CSMD3: variants seen among roughly 807,000 people sequenced by gnomAD.
The protein encoded by CSMD3 is CUB and sushi domain-containing protein 3.
In CSMD3, 177 loss-of-function variants were observed where a neutral mutation model predicts 435.2. That is an observed-to-expected ratio of 0.41 (90% confidence interval 0.36 to 0.46). The LOEUF is 0.46. Ranked by LOEUF, CSMD3 falls within the 20% of genes least tolerant of loss-of-function variation. CSMD3 has a pLI of 0.34. For missense variants in CSMD3, 4,265 were observed against 4,504.6 expected, an observed-to-expected ratio of 0.95 and a Z score of 1.52; for synonymous variants, 1,656 against 1,520.5, an observed-to-expected ratio of 1.09 and a Z score of -2.07.
At chr8:113,368,016 G>A (rs2094323971) in intron 1 of CSMD3, among the ~76,000 whole-genome samples, 1 of 152,154 alleles carries the variant, frequency 6.6e-6, no homozygotes, top group African/African-American at 2.4e-5. Flanking sequence ...ATTTGCTACT[G>A]ACTGCATCAT....
chr8:113,356,330 G>A (rs2094227670), intron 1 of CSMD3, among the ~76,000 whole-genome samples: 1 of 152,060 alleles, frequency 6.6e-6, no homozygotes, highest in African/African-American at 2.4e-5. Flanking sequence ...CCCAGACAAA[G>A]GAACTGAAAT....
At chr8:112,378,769 T>C (rs1222558075) in intron 38 of CSMD3, among the ~76,000 whole-genome samples, 2 of 152,162 alleles carry the variant, frequency 1.3e-5, no homozygotes, top group South Asian at 2.1e-4. Context: ...TGGTAATTTA[T>C]TGTATACTTT....
At chr8:112,918,953 CTT>C in intron 10 of CSMD3, among the ~76,000 whole-genome samples, 1 of 152,052 alleles carries the variant, frequency 6.6e-6, no homozygotes, top group South Asian at 2.1e-4. Flanking sequence ...GAGAACTACT[CTT>C]TGTCCAGACT....
intron 5 of CSMD3, among the ~76,000 whole-genome samples, chr8:113,027,219 T>C (rs556040510): frequency 6.6e-6 from 1 of 152,284 alleles, no homozygotes; most frequent in South Asian, 2.1e-4. Context: ...TGCTTTGCCA[T>C]AATATCAGTA....
intron 13 of CSMD3, among the ~76,000 whole-genome samples, chr8:112,749,313 T>C (rs1457607002): frequency 1.3e-5 from 2 of 152,200 alleles, no homozygotes; most frequent in Non-Finnish European, 2.9e-5. Flanking sequence ...TGTTGATAGA[T>C]TCTTTTGTTG....
intron 13 of CSMD3, among the ~76,000 whole-genome samples, chr8:112,761,642 G>T (rs1465901326): frequency 6.6e-6 from 1 of 151,918 alleles, no homozygotes; most frequent in Non-Finnish European, 1.5e-5. Context: ...TTTTAAGTCT[G>T]TGCTTAATTC....
intron 3 of CSMD3, among the ~76,000 whole-genome samples, chr8:113,277,728 T>C (rs1296062661): frequency 6.6e-6 from 1 of 151,918 alleles, no homozygotes; most frequent in East Asian, 1.9e-4. Context: ...TGATACACTA[T>C]CCCTATGGGG....
chr8:112,285,545 C>G (rs1485736764), intron 58 of CSMD3, among the ~76,000 whole-genome samples: 3 of 151,994 alleles, frequency 2.0e-5, no homozygotes, highest in Non-Finnish European at 2.9e-5. Flanking sequence ...TGGGAATTAT[C>G]TTCTATTTAC....
rs187486789 is a variant in CSMD3, at chr8:112,765,423, A to G, written c.1972+34739T>C. Among the ~76,000 whole-genome samples, 46 of 151,696 alleles carry G rather than the reference A, an allele frequency of 3.0e-4. No individual in the cohort carries two copies. The East Asian group carries it at 8.4e-3, about 28-fold the overall frequency. ...TGATGCCAAGATGAATATCATCATT[A>G]GGTGGTTGAATGTGTGCGACTGAAT... is the stretch of plus-strand genomic sequence containing the variant. On this transcript the variant is annotated intron_variant, in intron 13 of 70. Transcript: ENST00000297405.
In CSMD3 at chr8:112,244,500, A is replaced by G. The variant is rs1312135018; in HGVS notation, c.10296T>C (p.Tyr3432=). ...VVGMDLPSHG[Y]TLIYTCQPGF... The stretch of plus-strand genomic sequence containing the variant: ...CAGGCTGACAGGTATAAATCAGTGT[A>G]TACCCATGAGATGGAAGGTCCATCC... The change falls in exon 65 of 71, where the codon TAT becomes TAC. Residue 3432 remains tyrosine, a synonymous_variant. Coordinates refer to ENST00000297405, the MANE Select transcript of CSMD3 (RefSeq NM_198123.2). 1.2e-6 allele frequency: 2 copies of G among 1,613,788 alleles called. No individual in the cohort carries two copies. Among genetic ancestry groups the G allele is most frequent in the Non-Finnish European group, 1.7e-6 (2 of 1,179,824 alleles).
chr8:113,397,682 G>A (rs1218749046), intron 1 of CSMD3, among the ~76,000 whole-genome samples: 2 of 152,034 alleles, frequency 1.3e-5, no homozygotes, highest in Non-Finnish European at 2.9e-5. Context: ...GCCGGACATC[G>A]TGGCGGGCTC....
intron 12 of CSMD3, among the ~76,000 whole-genome samples, chr8:112,828,535 C>T (rs192454734): frequency 1.4e-3 from 212 of 152,238 alleles, no homozygotes; most frequent in Non-Finnish European, 2.5e-3. Context: ...TTGCTTTCGG[C>T]CACCATTGTA....
At chr8:113,153,921 A>G (rs2091882695) in intron 4 of CSMD3, among the ~76,000 whole-genome samples, 1 of 152,016 alleles carries the variant, frequency 6.6e-6, no homozygotes, top group Non-Finnish European at 1.5e-5. Context: ...ATGGTATGAG[A>G]AGAAAAAAAA....
chr8:113,245,678 ATT>A (rs2093268947), intron 3 of CSMD3, among the ~76,000 whole-genome samples: 1 of 152,008 alleles, frequency 6.6e-6, no homozygotes, highest in Non-Finnish European at 1.5e-5. Flanking sequence ...AATTACATTT[ATT>A]TATACTGTAT....
At chr8:113,128,140 TG>T (rs1316472312) in intron 4 of CSMD3, among the ~76,000 whole-genome samples, 1 of 152,102 alleles carries the variant, frequency 6.6e-6, no homozygotes, top group African/African-American at 2.4e-5. Flanking sequence ...TTGCAATTTT[TG>T]TAATTATGTG....
At chr8:113,087,313 C>T (rs1442308117) in intron 5 of CSMD3, among the ~76,000 whole-genome samples, 1 of 151,794 alleles carries the variant, frequency 6.6e-6, no homozygotes, top group Non-Finnish European at 1.5e-5. Context: ...ATGCCATCCC[C>T]ATCAAGCTAC....
At chr8:113,096,548 C>T (rs2090167706) in intron 5 of CSMD3, among the ~76,000 whole-genome samples, 1 of 152,034 alleles carries the variant, frequency 6.6e-6, no homozygotes, top group Non-Finnish European at 1.5e-5. Flanking sequence ...CACACGGTAG[C>T]CACAGTGACT....
intron 6 of CSMD3, among the ~76,000 whole-genome samples, chr8:112,983,253 T>C (rs2085118784): frequency 6.6e-6 from 1 of 151,922 alleles, no homozygotes; most frequent in South Asian, 2.1e-4. Context: ...CACAGCTACC[T>C]TCACTACCTG....
At chr8:113,313,260 T>C (rs1158738479) in intron 2 of CSMD3, 3 of 152,170 alleles carry the variant, frequency 2.0e-5, no homozygotes, top group African/African-American at 7.2e-5. Context: ...AGATCCACCA[T>C]TTTCCCCACT....
Sources: allele counts gnomAD v4.1 joint callset (sites outside exome capture counted in the v4.1 genomes callset), GRCh38; gene constraint gnomAD v4.1.1; transcripts MANE v1.5; gene names NCBI Gene and HGNC (gene_info 2026-07-23, HGNC 2026-07-21).